CTDP1: variants seen among roughly 807,000 people sequenced by gnomAD.
CTDP1 encodes CTD phosphatase 1, also known as RNA polymerase II subunit A C-terminal domain phosphatase.
A neutral mutation model predicts 91.8 loss-of-function variants in CTDP1; 47 were observed. That is an observed-to-expected ratio of 0.51 (90% confidence interval 0.41 to 0.65). The LOEUF (loss-of-function observed/expected upper bound fraction) is 0.65. Ranked by LOEUF, CTDP1 falls within the 30% of genes least tolerant of loss-of-function variation. The probability of loss-of-function intolerance (pLI) is 0.00; values close to 1 mark genes in which losing one functional copy is unlikely to be tolerated. For synonymous variants in CTDP1, 656 were observed against 598.5 expected (o/e 1.10, Z -1.40); for missense variants, 1,272 against 1,373.7 (o/e 0.93, Z 1.17).
chr18:79,681,559 A>G (rs1390077336), intron 1 of CTDP1: 2 of 923,340 alleles, frequency 2.2e-6, no homozygotes, highest in Admixed American at 6.2e-5. Flanking sequence ...TTGAAATTCC[A>G]TGTTCAGTCA....
At position 79,714,604 on chromosome 18, in the gene CTDP1, C is replaced by G. The variant is rs371862690; in HGVS notation, c.1144C>G (p.Arg382Gly). The G allele has an allele frequency of 6.2e-7, 1 of 1,613,008 alleles. No homozygotes were observed. The highest frequency in any genetic ancestry group is 2.2e-5 in the East Asian group (1 of 44,872). The change falls in exon 8 of 13, where the codon CGG becomes GGG. Residue 382 changes from arginine to glycine, a missense_variant. Around this residue, in one of 3 missense-constraint regions of CTDP1, gnomAD observed 881 missense variants for 911.6 expected, o/e 0.97. Transcript: ENST00000613122. Reference protein sequence around the residue: ...EPSNGLEKPARELNGSEAATP... With the variant: ...EPSNGLEKPAGELNGSEAATP... ...CAGCAATGGCCTGGAGAAGCCTGCA[C>G]GGGAGCTGAACGGCAGCGAGGCCGC... is the stretch of plus-strand genomic sequence containing the variant.
chr18:79,733,707 T>C (rs972529202), intron 11 of CTDP1, among the ~76,000 whole-genome samples: 3 of 152,204 alleles, frequency 2.0e-5, no homozygotes, highest in Non-Finnish European at 4.4e-5. Context: ...CCGACCTTGC[T>C]CTGTGTCTCT....
chr18:79,704,617 C>G lies in CTDP1; in HGVS notation c.622-150C>G, dbSNP rs1479440419. ...CCTGTCTCAGGCACCCGTGTGTCTTCAGGACGCCTGTCGGGCACACGCGTG... is the reference window on the plus strand; with the variant it reads ...CCTGTCTCAGGCACCCGTGTGTCTTGAGGACGCCTGTCGGGCACACGCGTG... On this transcript the variant is annotated intron_variant, in intron 4 of 12. Transcript: ENST00000613122. 3.0e-5 allele frequency: 30 copies of G among 995,500 alleles called. No homozygotes were observed. The Admixed American group carries it at 5.8e-4, about 19-fold the overall frequency. 61.7% of individuals were successfully genotyped at this position (995,500 alleles called of 1,614,324 possible). A position where few individuals can be genotyped will look rare whatever the true frequency, so the allele number is the denominator to read the frequency against.
At chr18:79,683,325 A>G (rs913061946) in intron 1 of CTDP1, among the ~76,000 whole-genome samples, 3 of 152,236 alleles carry the variant, frequency 2.0e-5, no homozygotes, top group South Asian at 2.1e-4. Context: ...ATTATCGTGT[A>G]TTGATCCTTA....
In CTDP1 at chr18:79,717,342, G is replaced by A. The variant is rs139893213; in HGVS notation, c.2069-193G>A. On this transcript the variant is annotated intron_variant, in intron 8 of 12. Coordinates refer to ENST00000613122, the MANE Select transcript of CTDP1 (RefSeq NM_004715.5). ...TGCAGCCGGGTGAGGGCCCTGGTGGGGTACAGCTGGGTGAGGGCCCTGAGC... is the reference window on the plus strand; with the variant it reads ...TGCAGCCGGGTGAGGGCCCTGGTGGAGTACAGCTGGGTGAGGGCCCTGAGC... Among the ~76,000 whole-genome samples, 693 of 150,862 alleles carry A rather than the reference G, an allele frequency of 4.6e-3. 8 individuals are homozygous for A. Among genetic ancestry groups the A allele is most frequent in the African/African-American group, 0.016 (670 of 40,930 alleles).
chr18:79,679,824 C>T lies in CTDP1; in HGVS notation c.-124C>T, dbSNP rs2085315466. 3.1e-6 allele frequency: 3 copies of T among 957,116 alleles called. No individual in the cohort carries two copies. The highest frequency in any genetic ancestry group is 1.7e-5 in the South Asian group (1 of 58,262). 59.3% of individuals were successfully genotyped at this position (957,116 alleles called of 1,614,324 possible). On this transcript the variant is annotated 5_prime_UTR_variant, in exon 1 of 13. In the 5' UTR this introduces an upstream ATG that the reference lacks. Transcript: ENST00000613122. ...CAGGAAGTCGGCGCGGGCTAGGCGA[C>T]GGGTGGAAGCCGGTACCGAGAGGAA...
chr18:79,690,707 G>GC (rs2085602608), intron 1 of CTDP1, among the ~76,000 whole-genome samples: 1 of 152,192 alleles, frequency 6.6e-6, no homozygotes, highest in South Asian at 2.1e-4. Flanking sequence ...GAGCCAGATG[G>GC]CCTGGCTGGG....
At chr18:79,717,466 G>A (rs2086238151) in intron 8 of CTDP1, 69 bp from the exon 9 acceptor site, 6 of 1,600,742 alleles carry the variant, frequency 3.7e-6, no homozygotes, top group Non-Finnish European at 3.4e-6. Flanking sequence ...CCTGGTGGGT[G>A]CAGCCGGATG....
chr18:79,715,146 G>A lies in CTDP1; in HGVS notation c.1686G>A (p.Glu562=), dbSNP rs1300319295. The A allele has an allele frequency of 6.2e-7, 1 of 1,613,580 alleles. No individual in the cohort carries two copies. Among genetic ancestry groups the A allele is most frequent in the South Asian group, 1.1e-5 (1 of 90,958 alleles). Reference sequence around the variant, plus strand: ...CGGAGACCGAGTCACAGAACAGCGAGCTGTCGGGGGTCACTGCGGGTGAGT... The same window carrying A: ...CGGAGACCGAGTCACAGAACAGCGAACTGTCGGGGGTCACTGCGGGTGAGT... ...KEAETESQNS[E]LSGVTAGESL... Residue 562 remains glutamate (E), a synonymous_variant, in exon 8 of 13, where the codon GAG becomes GAA. Coordinates refer to ENST00000613122, the MANE Select transcript of CTDP1 (RefSeq NM_004715.5).
intron 2 of CTDP1, 137 bp from the exon 3 acceptor site, chr18:79,695,840 C>G (rs1599212816): frequency 1.3e-6 from 1 of 757,974 alleles, no homozygotes; most frequent in Middle Eastern, 2.3e-4. Context: ...CCACGTTTGC[C>G]GACAGAATCA....
intron 6 of CTDP1, among the ~76,000 whole-genome samples, chr18:79,712,575 C>T (rs960619596): frequency 2.6e-5 from 4 of 152,216 alleles, no homozygotes. Context: ...AGCCACACAG[C>T]GCCTAGCCTG....
chr18:79,737,521 T>A lies in CTDP1; in HGVS notation c.2747+1000T>A, dbSNP rs141316639. Among the ~76,000 whole-genome samples, 758 of 152,312 alleles carry A rather than the reference T, an allele frequency of 5.0e-3. 9 individuals carry two copies. The highest frequency in any genetic ancestry group is 0.018 in the African/African-American group (729 of 41,568). Reference sequence around the variant, plus strand: ...ACTAATCGGCTTTGTTCTCTGGATCTCTGTGCTGCTGTCGAATGGTGGGGA... The same window carrying A: ...ACTAATCGGCTTTGTTCTCTGGATCACTGTGCTGCTGTCGAATGGTGGGGA... On this transcript the variant is annotated intron_variant, in intron 12 of 12. Transcript: ENST00000613122.
At chr18:79,699,708 TTGAG>T (rs1458491091) in intron 4 of CTDP1, among the ~76,000 whole-genome samples, 3 of 152,198 alleles carry the variant, frequency 2.0e-5, no homozygotes, top group Non-Finnish European at 4.4e-5. Context: ...AAGTTGGGCA[TTGAG>T]TGAGTTTTAC....
chr18:79,686,469 C>T lies in CTDP1; in HGVS notation c.314+6208C>T, dbSNP rs1413247424. On this transcript the variant is annotated intron_variant, in intron 1 of 12. Coordinates refer to ENST00000613122, the MANE Select transcript of CTDP1 (RefSeq NM_004715.5). ...GTTTGAAGAGATTCAGGTGATATTT[C>T]TTAAAGGATAAATGCACATTTTAAA... Among the ~76,000 whole-genome samples the T allele has an allele frequency of 2.0e-5, 3 of 152,276 alleles. No individual in the cohort carries two copies. In the East Asian group the frequency reaches 5.8e-4, roughly 29 times the overall value.
intron 1 of CTDP1, chr18:79,680,974 C>G (rs547305006): frequency 6.6e-6 from 1 of 152,326 alleles, no homozygotes; most frequent in Non-Finnish European, 1.5e-5. Context: ...GCGCCTGGCT[C>G]TGGTAGTTTT....
chr18:79,736,236 T>G lies in CTDP1; in HGVS notation c.2581-119T>G, dbSNP rs2086664094. Reference sequence around the variant, plus strand: ...CCCAGGGCTCAGGTAGAAAGCAGAGTGCTACCTCCAGCCCCCACCCTGCTG... The same window carrying G: ...CCCAGGGCTCAGGTAGAAAGCAGAGGGCTACCTCCAGCCCCCACCCTGCTG... On this transcript the variant is annotated intron_variant, in intron 11 of 12. Transcript: ENST00000613122. The G allele has an allele frequency of 3.1e-6, 4 of 1,305,270 alleles. No homozygotes were observed. In the South Asian group the frequency reaches 5.1e-5, roughly 17 times the overall value. The allele number at this position is 1,305,270 out of a possible 1,614,324, so 80.9% of individuals were successfully genotyped here. A position where few individuals can be genotyped will look rare whatever the true frequency, so the allele number is the denominator to read the frequency against.
At chr18:79,748,912 A>T (rs201464418) in intron 12 of CTDP1, among the ~76,000 whole-genome samples, 8 of 113,082 alleles carry the variant, frequency 7.1e-5, no homozygotes, top group African/African-American at 3.4e-4. Context: ...TCTGTGTGTG[A>T]GCCGTGTCTG....
In CTDP1 at chr18:79,729,089, C is replaced by T. The variant is rs754251330; in HGVS notation, c.2580+20C>T. On this transcript the variant is annotated intron_variant, in intron 11 of 12. Transcript: ENST00000613122. The stretch of plus-strand genomic sequence containing the variant: ...AAAGAGGTGAGCCAACCCCACGCCC[C>T]GGTGCCCGCGCCAGCGCTCGTGCTG... 4.3e-6 allele frequency: 7 copies of T among 1,611,910 alleles called. No individual in the cohort carries two copies. Among genetic ancestry groups the T allele is most frequent in the East Asian group, 4.5e-5 (2 of 44,894 alleles).
intron 3 of CTDP1, 122 bp from the exon 4 acceptor site, chr18:79,697,738 A>C (rs1335668180): frequency 2.8e-6 from 4 of 1,452,736 alleles, no homozygotes; most frequent in Non-Finnish European, 3.8e-6. Context: ...GGCGCAGTCC[A>C]TGGAGCGTGG....
Sources: allele counts gnomAD v4.1 joint callset (sites outside exome capture counted in the v4.1 genomes callset), GRCh38; gene constraint gnomAD v4.1.1; regional missense constraint gnomAD v4.1.1; transcripts MANE v1.5; gene names NCBI Gene and HGNC (gene_info 2026-07-23, HGNC 2026-07-21).